PAX1: variants seen among roughly 807,000 people sequenced by gnomAD.
PAX1 encodes paired box 1, also known as paired box protein Pax-1.
A neutral mutation model predicts 35.6 loss-of-function variants in PAX1; 18 were observed. That is an observed-to-expected ratio of 0.50 (90% confidence interval 0.35 to 0.75). The LOEUF (loss-of-function observed/expected upper bound fraction) is 0.75. Ranked by LOEUF, PAX1 falls within the 30% of genes least tolerant of loss-of-function variation. The pLI is 0.01. For synonymous variants in PAX1, 397 were observed against 305.2 expected (o/e 1.30, Z -3.14); for missense variants, 760 against 661.5 (o/e 1.15, Z -1.63).
intron 4 of PAX1, 90 bp downstream of exon 4, chr20:21,709,534 G>A: frequency 2.9e-6 from 3 of 1,033,426 alleles, no homozygotes; most frequent in Non-Finnish European, 4.1e-6. Flanking sequence ...AAGGGAGAGC[G>A]GGTGGGGAAG....
At chr20:21,713,878 G>C (rs1985277458) in intron 4 of PAX1, among the ~76,000 whole-genome samples, 1 of 152,220 alleles carries the variant, frequency 6.6e-6, no homozygotes, top group Non-Finnish European at 1.5e-5. Context: ...GTAGTCTGCC[G>C]CTCACTTAAA....
In PAX1 at chr20:21,706,640, G is replaced by A. The variant is rs1985010392; in HGVS notation, c.489G>A (p.Gly163=). 6.2e-7 allele frequency: 1 copy of A among 1,612,070 alleles called. No homozygotes were observed. Among genetic ancestry groups the A allele is most frequent in the African/African-American group, 1.3e-5 (1 of 74,944 alleles). ...ACGAGACCGGCTCCATTCTGCCCGGGGCCATCGGGGGGAGCAAGCCCCGCG... is the reference window on the plus strand; with the variant it reads ...ACGAGACCGGCTCCATTCTGCCCGGAGCCATCGGGGGGAGCAAGCCCCGCG... ...RYNETGSILP[G]AIGGSKPRVT... is the part of the protein sequence containing the mutation. The change falls in exon 2 of 5, where the codon GGG becomes GGA. Residue 163 remains glycine (G), a synonymous_variant. Coordinates refer to ENST00000613128, the MANE Select transcript of PAX1 (RefSeq NM_001257096.2). This position sits in a 1 kb window ranked among gnomAD's most constrained non-coding sequence, Gnocchi z 5.3.
Position 21,715,117 on chromosome 20 carries a change from T to G in PAX1, c.*555T>G. 1 of 461,112 alleles carries G rather than the reference T, an allele frequency of 2.2e-6. No individual in the cohort carries two copies. Among genetic ancestry groups the G allele is most frequent in the Non-Finnish European group, 4.0e-6 (1 of 252,302 alleles). 28.6% of individuals were successfully genotyped at this position (461,112 alleles called of 1,614,324 possible). A position where few individuals can be genotyped will look rare whatever the true frequency, so the allele number is the denominator to read the frequency against. On this transcript the variant is annotated 3_prime_UTR_variant, in exon 5 of 5. Coordinates refer to ENST00000613128, the MANE Select transcript of PAX1 (RefSeq NM_001257096.2). ...GTCCTCTATATGCTATCAGCCCTTTTTCCTGGTCCATCCCTGTCGTTCCTT... is the reference window on the plus strand; with the variant it reads ...GTCCTCTATATGCTATCAGCCCTTTGTCCTGGTCCATCCCTGTCGTTCCTT...
At chr20:21,708,776 G>C in intron 3 of PAX1, 76 bp downstream of exon 3, 3 of 1,492,682 alleles carry the variant, frequency 2.0e-6, no homozygotes, top group Non-Finnish European at 2.8e-6. Flanking sequence ...AAAAGAGAGA[G>C]AAAGAAAAGA....
chr20:21,714,491 AGCTCCG>A lies in PAX1; in HGVS notation c.1306_1311del (p.Gly437_Ser438del). 6.3e-7 allele frequency: 1 copy of A among 1,587,830 alleles called. No homozygotes were observed. The highest frequency in any genetic ancestry group is 8.6e-7 in the Non-Finnish European group (1 of 1,169,160). ...CGCAGTGGCTGACAGGAAGCCTCCC[AGCTCCG>A]GCAGCAAGGCCCCGGACGCCCTCAG... On this transcript the variant is annotated inframe_deletion, in exon 5 of 5. Coordinates refer to ENST00000613128, the MANE Select transcript of PAX1 (RefSeq NM_001257096.2).
rs1985352937 is a variant in PAX1 at position 21,715,846 on chromosome 20, G to C, written c.*1284G>C. On this transcript the variant is annotated 3_prime_UTR_variant, in exon 5 of 5. Coordinates refer to ENST00000613128, the MANE Select transcript of PAX1 (RefSeq NM_001257096.2). ...GAGCCAGCCGCAAGAGCTGTGAGCT[G>C]CTTCCAAGTTAGGCGAGCTGGTGGT... The C allele has an allele frequency of 6.6e-6, 1 of 152,426 alleles. No homozygotes were observed. Among genetic ancestry groups the C allele is most frequent in the Non-Finnish European group, 1.5e-5 (1 of 68,222 alleles). The allele number at this position is 152,426 out of a possible 1,614,324, so 9.4% of individuals were successfully genotyped here.
At chr20:21,713,242 A>G (rs1231526181) in intron 4 of PAX1, among the ~76,000 whole-genome samples, 1 of 152,230 alleles carries the variant, frequency 6.6e-6, no homozygotes, top group Non-Finnish European at 1.5e-5. Context: ...AAAAGGTCTG[A>G]ATACTTGTTG....
intron 2 of PAX1, 92 bp downstream of exon 2, chr20:21,707,159 C>G (rs1985046781): frequency 6.6e-7 from 1 of 1,514,312 alleles, no homozygotes; most frequent in Non-Finnish European, 9.1e-7. Flanking sequence ...GCTCTCCTCC[C>G]GGGACCGGTT....
chr20:21,708,251 C>G (rs1304771408), intron 2 of PAX1: 3 of 530,192 alleles, frequency 5.7e-6, no homozygotes, highest in African/African-American at 1.9e-5. Flanking sequence ...TTCTGGGAGC[C>G]GTGTCTGGAC....
chr20:21,705,939 C>A lies in PAX1; in HGVS notation c.227C>A (p.Pro76His). ...CAAGCTCTCCCGGACTGCGCCGGGC[C>A]CAGCCCCGGCCACCCCGGCCACCCC... ...GAQALPDCAG[P>H]SPGHPGHPGA... The change falls in exon 1 of 5, where the codon CCC becomes CAC. Residue 76 changes from proline (P) to histidine (H), a missense_variant. Coordinates refer to ENST00000613128, the MANE Select transcript of PAX1 (RefSeq NM_001257096.2). The A allele has an allele frequency of 6.7e-7, 1 of 1,483,186 alleles. No homozygotes were observed. Among genetic ancestry groups the A allele is most frequent in the Non-Finnish European group, 8.9e-7 (1 of 1,124,924 alleles). 91.9% of individuals were successfully genotyped at this position (1,483,186 alleles called of 1,614,324 possible). A position where few individuals can be genotyped will look rare whatever the true frequency, so the allele number is the denominator to read the frequency against.
At chr20:21,708,207 T>C (rs1161796950) in intron 2 of PAX1, 2 of 439,802 alleles carry the variant, frequency 4.5e-6, no homozygotes, top group Admixed American at 6.9e-5. Context: ...CAATACAATT[T>C]TCATGAGGTT....
At position 21,708,639 on chromosome 20, in the gene PAX1, C is replaced by A. The variant is rs561618438; in HGVS notation, c.998C>A (p.Ala333Asp). 8 of 1,613,490 alleles carry A rather than the reference C, an allele frequency of 5.0e-6. No individual in the cohort carries two copies. Among genetic ancestry groups the A allele is most frequent in the Admixed American group, 1.7e-5 (1 of 60,012 alleles). ...WAGVNRTAFP[A>D]TPAVNGLEKP... ...GGCGTGAACCGCACGGCCTTCCCCG[C>A]CACCCCCGCAGTGAATGGGCTAGAG... The change falls in exon 3 of 5, where the codon GCC becomes GAC. Residue 333 changes from alanine (A) to aspartate (D), a missense_variant. Ala to Asp is a moderately radical substitution (Grantham distance 126). This residue lies in a region of PAX1 where 490 missense variants were observed against 428.4 expected (regional missense o/e 1.14). Coordinates refer to ENST00000613128, the MANE Select transcript of PAX1 (RefSeq NM_001257096.2).
intron 2 of PAX1, among the ~76,000 whole-genome samples, chr20:21,707,657 G>A (rs1035371677): frequency 6.6e-6 from 1 of 152,196 alleles, no homozygotes; most frequent in Non-Finnish European, 1.5e-5. Flanking sequence ...AGTGGGTGAC[G>A]AGGAAGATGG....
At chr20:21,711,892 T>C (rs1208669383) in intron 4 of PAX1, among the ~76,000 whole-genome samples, 1 of 152,212 alleles carries the variant, frequency 6.6e-6, no homozygotes, top group Non-Finnish European at 1.5e-5. Flanking sequence ...TATTTTCTGA[T>C]CAGTTCTTAA....
rs146191505 is a variant in PAX1 at position 21,706,404 on chromosome 20, C to T, written c.287-34C>T. On this transcript the variant is annotated intron_variant, in intron 1 of 4. Coordinates refer to ENST00000613128, the MANE Select transcript of PAX1 (RefSeq NM_001257096.2). This position sits in a 1 kb window ranked among gnomAD's most constrained non-coding sequence, Gnocchi z 5.3. ...GGCTAACCCGCCGGGTGTTTTCTCC[C>T]CCTCCGGCTCACTCTTGTCTGGCGC... is the stretch of plus-strand genomic sequence containing the variant. 5 of 1,609,266 alleles carry T rather than the reference C, an allele frequency of 3.1e-6. No individual in the cohort carries two copies. Among genetic ancestry groups the T allele is most frequent in the Admixed American group, 1.7e-5 (1 of 60,032 alleles).
Position 21,706,258 on chromosome 20 carries a change from C to G in PAX1, c.287-180C>G. 1 of 880,904 alleles carries G rather than the reference C, an allele frequency of 1.1e-6. No homozygotes were observed. The highest frequency in any genetic ancestry group is 1.8e-6 in the Non-Finnish European group (1 of 545,870). 54.6% of individuals were successfully genotyped at this position (880,904 alleles called of 1,614,324 possible). On this transcript the variant is annotated intron_variant, in intron 1 of 4. Transcript: ENST00000613128. This position sits in a 1 kb window ranked among gnomAD's most constrained non-coding sequence, Gnocchi z 5.3. ...GCTCCACTCCGCGGCTCCTCTGCGC[C>G]CTTGCCCACTCCAAGCCAGACCCAG...
At position 21,714,888 on chromosome 20, in the gene PAX1, G is replaced by A; in HGVS notation, c.*326G>A. On this transcript the variant is annotated 3_prime_UTR_variant, in exon 5 of 5. Transcript: ENST00000613128. ...CAAATTTCTTTTTTGTCACTCCCTTGTCCGTCTCCGTCTCGCCTCTCTCCC... is the reference window on the plus strand; with the variant it reads ...CAAATTTCTTTTTTGTCACTCCCTTATCCGTCTCCGTCTCGCCTCTCTCCC... 2 of 1,034,270 alleles carry A rather than the reference G, an allele frequency of 1.9e-6. No individual in the cohort carries two copies. The highest frequency in any genetic ancestry group is 2.6e-5 in the South Asian group (2 of 75,570). The allele number at this position is 1,034,270 out of a possible 1,614,324, so 64.1% of individuals were successfully genotyped here. A position where few individuals can be genotyped will look rare whatever the true frequency, so the allele number is the denominator to read the frequency against.
rs1985006604 is a variant in PAX1 at position 21,706,566 on chromosome 20, C to A, written c.415C>A (p.Gln139Lys). Residue 139 changes from glutamine to lysine, a missense_variant, in exon 2 of 5, where the codon CAG (glutamine) becomes AAG (lysine). Physicochemically the swap from Gln to Lys is moderately conservative, Grantham distance 53. This residue lies in a region of PAX1 where 48 missense variants were observed against 80.0 expected (regional missense o/e 0.60). Coordinates refer to ENST00000613128, the MANE Select transcript of PAX1 (RefSeq NM_001257096.2). This position sits in a 1 kb window ranked among gnomAD's most constrained non-coding sequence, Gnocchi z 5.3. ...CATCCGACCCTGTGACATCAGTCGG[C>A]AGCTCCGCGTATCCCACGGCTGCGT... is the stretch of plus-strand genomic sequence containing the variant. ...LGIRPCDISRQLRVSHGCVSK... is the reference protein window; with the variant it reads ...LGIRPCDISRKLRVSHGCVSK... The A allele has an allele frequency of 6.2e-7, 1 of 1,612,084 alleles. No individual in the cohort carries two copies. Among genetic ancestry groups the A allele is most frequent in the Non-Finnish European group, 8.5e-7 (1 of 1,180,022 alleles).
chr20:21,706,288 T>C lies in PAX1; in HGVS notation c.287-150T>C, dbSNP rs1568693346. On this transcript the variant is annotated intron_variant, in intron 1 of 4. Transcript: ENST00000613128. This position sits in a 1 kb window ranked among gnomAD's most constrained non-coding sequence, Gnocchi z 5.3. ...CCCACTCCAAGCCAGACCCAGGCGGTTTGCCCTTGGACTCCGAGCTGTCTG... is the reference window on the plus strand; with the variant it reads ...CCCACTCCAAGCCAGACCCAGGCGGCTTGCCCTTGGACTCCGAGCTGTCTG... The C allele has an allele frequency of 4.6e-6, 5 of 1,082,642 alleles. No homozygotes were observed. Among genetic ancestry groups the C allele is most frequent in the East Asian group, 2.5e-5 (1 of 40,028 alleles). The allele number at this position is 1,082,642 out of a possible 1,614,324, so 67.1% of individuals were successfully genotyped here.
Sources: allele counts gnomAD v4.1 joint callset (sites outside exome capture counted in the v4.1 genomes callset), GRCh38; gene constraint gnomAD v4.1.1; regional missense constraint gnomAD v4.1.1; non-coding constraint Gnocchi (gnomAD v3.1); transcripts MANE v1.5; gene names NCBI Gene and HGNC (gene_info 2026-07-23, HGNC 2026-07-21).